The following AFF1 variants were observed in gnomAD, a reference collection of about 807,000 sequenced individuals.
AFF1 encodes ALF transcription elongation factor 1.
In AFF1, 48 loss-of-function variants were observed where a neutral mutation model predicts 121.7. The observed-to-expected ratio is 0.39, with a 90% CI of 0.31 to 0.50. AFF1 has a LOEUF of 0.50. Ranked by LOEUF, AFF1 falls within the 20% of genes least tolerant of loss-of-function variation. AFF1 has a pLI of 0.76. For missense variants in AFF1, 1,523 were observed against 1,511.7 expected (o/e 1.01, Z -0.12); for synonymous variants, 613 against 563.0 (o/e 1.09, Z -1.26).
At chr4:86,997,084 G>A (rs1346239865) in intron 2 of AFF1, among the ~76,000 whole-genome samples, 1 of 152,140 alleles carries the variant, frequency 6.6e-6, no homozygotes. Flanking sequence ...GCTAATTTTT[G>A]TATTTTTGGT....
At chr4:87,101,612 G>A (rs2149737687) in intron 8 of AFF1, among the ~76,000 whole-genome samples, 1 of 152,112 alleles carries the variant, frequency 6.6e-6, no homozygotes, top group Admixed American at 6.5e-5. Context: ...GATTCTGGAT[G>A]TGCTCTGGAG....
intron 18 of AFF1, 52 bp downstream of exon 18, chr4:87,131,916 G>A: frequency 7.2e-7 from 1 of 1,396,310 alleles, no homozygotes; most frequent in Non-Finnish European, 9.6e-7. Flanking sequence ...TGCATCTGTT[G>A]ATGTTACAAA....
At chr4:87,060,487 G>T (rs1256809466) in intron 4 of AFF1, among the ~76,000 whole-genome samples, 1 of 152,022 alleles carries the variant, frequency 6.6e-6, no homozygotes, top group Non-Finnish European at 1.5e-5. Flanking sequence ...CATCCAAATG[G>T]GTAGGGCATA....
intron 11 of AFF1, among the ~76,000 whole-genome samples, chr4:87,109,368 G>A (rs1168825716): frequency 1.3e-5 from 2 of 152,294 alleles, no homozygotes; most frequent in African/African-American, 2.4e-5. Flanking sequence ...TGTTAGATGC[G>A]AATCTATGTC....
chr4:87,003,043 T>C (rs939053787), intron 2 of AFF1, among the ~76,000 whole-genome samples: 5 of 152,176 alleles, frequency 3.3e-5, no homozygotes, highest in Non-Finnish European at 4.4e-5. Context: ...TTGCAGTACT[T>C]TTTTAGCCAC....
At chr4:87,117,019 A>G (rs1436566876) in intron 12 of AFF1, among the ~76,000 whole-genome samples, 3 of 152,182 alleles carry the variant, frequency 2.0e-5, no homozygotes. Flanking sequence ...TGTGGTCTCC[A>G]GTGCTGACCG....
chr4:86,974,864 C>G (rs553469159), intron 2 of AFF1, among the ~76,000 whole-genome samples: 2 of 152,270 alleles, frequency 1.3e-5, no homozygotes, highest in South Asian at 4.1e-4. Context: ...ATTTTGCCAT[C>G]GTTTCTGGTT....
At chr4:87,072,362 C>CA (rs533054826) in intron 4 of AFF1, among the ~76,000 whole-genome samples, 21,918 of 108,910 alleles carry the variant, frequency 0.2, 2,189 homozygotes, top group East Asian at 0.39. Context: ...GACTCCGTCT[C>CA]AAAAAAAAAA....
At chr4:87,101,880 C>T (rs1725467320) in intron 8 of AFF1, among the ~76,000 whole-genome samples, 1 of 152,214 alleles carries the variant, frequency 6.6e-6, no homozygotes, top group South Asian at 2.1e-4. Context: ...TATGTAAATA[C>T]TTTTTGGGTC....
intron 1 of AFF1, among the ~76,000 whole-genome samples, chr4:86,946,084 G>A (rs1258654114): frequency 1.9e-4 from 29 of 152,038 alleles, no homozygotes; most frequent in Non-Finnish European, 4.4e-5. Context: ...CTCCTGAGCG[G>A]TGAGACCTGG....
At chr4:87,000,050 A>G (rs1024537724) in intron 2 of AFF1, among the ~76,000 whole-genome samples, 1 of 152,218 alleles carries the variant, frequency 6.6e-6, no homozygotes, top group African/African-American at 2.4e-5. Flanking sequence ...CAAGGCTGGA[A>G]CAATTTGATA....
chr4:87,135,552 T>TTTTTG (rs756352286), intron 20 of AFF1, 28 bp from the exon 21 acceptor site: 107 of 1,484,450 alleles, frequency 7.2e-5, no homozygotes, highest in East Asian at 3.4e-4. Flanking sequence ...TATTTACTTG[T>TTTTTG]TTTTGTTTTG....
chr4:86,940,970 C>T (rs961265488), intron 1 of AFF1, among the ~76,000 whole-genome samples: 3 of 151,828 alleles, frequency 2.0e-5, no homozygotes, highest in African/African-American at 7.3e-5. Flanking sequence ...CACCTGTAAT[C>T]CCAGCTACTT....
intron 4 of AFF1, among the ~76,000 whole-genome samples, chr4:87,069,591 A>G (rs1375953629): frequency 1.6e-5 from 2 of 122,800 alleles, no homozygotes; most frequent in Non-Finnish European, 3.3e-5. Context: ...CTCTCCTATC[A>G]TCTCTCCCTC....
chr4:86,960,973 CTT>C (rs1211121137), intron 2 of AFF1, among the ~76,000 whole-genome samples: 1 of 152,170 alleles, frequency 6.6e-6, no homozygotes, highest in Non-Finnish European at 1.5e-5. Flanking sequence ...AGTTGTAAGA[CTT>C]GAGAAAGGAG....
chr4:87,064,600 T>A lies in AFF1; in HGVS notation c.1059+17006T>A, dbSNP rs532868336. On this transcript the variant is annotated intron_variant, in intron 4 of 20. Transcript: ENST00000395146. ...ACAAAACATTTTAAAAATTAGCGGC[T>A]GGGCACGGTGGCTCATGTCTATAAT... Among the ~76,000 whole-genome samples, 13 of 152,148 alleles carry A rather than the reference T, an allele frequency of 8.5e-5. No homozygotes were observed. In the East Asian group the frequency reaches 2.5e-3, roughly 29 times the overall value.
At chr4:87,089,262 A>G (rs897198164) in intron 5 of AFF1, among the ~76,000 whole-genome samples, 18 of 152,182 alleles carry the variant, frequency 1.2e-4, no homozygotes, top group African/African-American at 4.3e-4. Context: ...CTTTTTTCTG[A>G]CATACCTGTT....
chr4:87,027,891 T>G (rs527906449), intron 2 of AFF1, among the ~76,000 whole-genome samples: 37 of 142,794 alleles, frequency 2.6e-4, no homozygotes, highest in African/African-American at 9.8e-4. Flanking sequence ...CCTCCTGGGG[T>G]TCAAGTGATT....
In AFF1 at chr4:87,086,347, A is replaced by G. The variant is rs143040954; in HGVS notation, c.1104+2183A>G. ...GGTGTGTGTTGAAATAAGACATGTCACATCCTTTATTTAGGAATGGTGGTA... is the reference window on the plus strand; with the variant it reads ...GGTGTGTGTTGAAATAAGACATGTCGCATCCTTTATTTAGGAATGGTGGTA... On this transcript the variant is annotated intron_variant, in intron 5 of 20. Transcript: ENST00000395146. Among the ~76,000 whole-genome samples the G allele has an allele frequency of 6.8e-3, 1,038 of 152,222 alleles. 13 individuals carry two copies. Among genetic ancestry groups the G allele is most frequent in the African/African-American group, 0.024 (995 of 41,532 alleles).
Sources: gnomAD v4.1 joint callset for allele counts (sites outside exome capture counted in the v4.1 genomes callset) on GRCh38, gnomAD v4.1.1 for gene constraint, MANE v1.5 for transcripts, NCBI Gene and HGNC (gene_info 2026-07-23, HGNC 2026-07-21) for gene names.